Variants in GRIP2 observed in about 807,000 individuals in gnomAD.
GRIP2 encodes the protein glutamate receptor interacting protein 2, also known as glutamate receptor-interacting protein 2.
GRIP2 carries 58 observed loss-of-function variants against 108.3 expected under a neutral mutation model. That is an observed-to-expected ratio of 0.54 (90% CI 0.43 to 0.67). The LOEUF is 0.67. GRIP2 is among the 30% of genes least tolerant of loss of function. GRIP2 has a pLI of 0.00. For synonymous variants in GRIP2, 586 were observed against 598.2 expected (o/e 0.98, Z 0.30); for missense variants, 1,278 against 1,430.6 (o/e 0.89, Z 1.72).
intron 9 of GRIP2, 80 bp from the exon 10 acceptor site, chr3:14,517,977 C>A: frequency 7.0e-7 from 1 of 1,433,416 alleles, no homozygotes; most frequent in Non-Finnish European, 9.2e-7. Flanking sequence ...AAGCAAGAAC[C>A]AGAAGATCCT....
the GRIP2 span, among the ~76,000 whole-genome samples, chr3:14,567,946 A>G: frequency 1.3e-5 from 2 of 152,214 alleles, no homozygotes; most frequent in African/African-American, 4.8e-5. Flanking sequence ...AGGGGACCCA[A>G]CCATGCCCAA....
intron 20 of GRIP2, among the ~76,000 whole-genome samples, chr3:14,504,139 C>G (rs950321932): frequency 1.3e-5 from 2 of 152,006 alleles, no homozygotes; most frequent in African/African-American, 4.8e-5. Flanking sequence ...GGGAAGGGGT[C>G]GAGACCACCC....
the GRIP2 span, among the ~76,000 whole-genome samples, chr3:14,589,937 C>T: frequency 6.6e-6 from 1 of 151,934 alleles, no homozygotes; most frequent in Non-Finnish European, 1.5e-5. Context: ...GGACTACAGG[C>T]ATGAACCATC....
chr3:14,566,316 T>C, the GRIP2 span, among the ~76,000 whole-genome samples: 1 of 152,108 alleles, frequency 6.6e-6, no homozygotes, highest in South Asian at 2.1e-4. Flanking sequence ...CTCCCAGGGA[T>C]GGGAACACAG....
chr3:14,504,561 C>T (rs932838594), intron 20 of GRIP2, among the ~76,000 whole-genome samples: 2 of 152,170 alleles, frequency 1.3e-5, no homozygotes, highest in Admixed American at 1.3e-4. Context: ...CTGCCCACTT[C>T]AGCCTCCTGA....
the GRIP2 span, among the ~76,000 whole-genome samples, chr3:14,591,270 G>T: frequency 6.6e-6 from 1 of 152,070 alleles, no homozygotes; most frequent in Non-Finnish European, 1.5e-5. Flanking sequence ...CTGAGTGCCC[G>T]CCCCATCACT....
chr3:14,557,832 C>T (rs1000952056), upstream of GRIP2, among the ~76,000 whole-genome samples: 8 of 152,220 alleles, frequency 5.3e-5, no homozygotes, highest in Non-Finnish European at 1.0e-4. Flanking sequence ...ATGGGCAGAT[C>T]TGAGGTCAAA....
chr3:14,507,058 C>A lies in GRIP2; in HGVS notation c.2219-78G>T. 7.2e-7 allele frequency: 1 copy of A among 1,381,476 alleles called. No homozygotes were observed. The highest frequency in any genetic ancestry group is 1.4e-5 in the South Asian group (1 of 71,402). The allele number at this position is 1,381,476 out of a possible 1,614,324, so 85.6% of individuals were successfully genotyped here. ...CTCAGTTTCTGCATTTCAGCCTGGTCTGGAAACTCACAGGCAGTAAGCCCT... is the reference window on the plus strand; with the variant it reads ...CTCAGTTTCTGCATTTCAGCCTGGTATGGAAACTCACAGGCAGTAAGCCCT... On this transcript the variant is annotated intron_variant, in intron 18 of 23. Coordinates refer to ENST00000621039, the MANE Select transcript of GRIP2 (RefSeq NM_001080423.4). The surrounding 1 kb of genome is among the most constrained non-coding windows in gnomAD (Gnocchi z 4.6).
At position 14,506,851 on chromosome 3, in the gene GRIP2, G is replaced by A. The variant is rs779225542; in HGVS notation, c.2348C>T (p.Ala783Val). The A allele has an allele frequency of 5.0e-6, 8 of 1,607,500 alleles. No homozygotes were observed. Among genetic ancestry groups the A allele is most frequent in the Non-Finnish European group, 6.8e-6 (8 of 1,177,106 alleles). ...FSPAVPSVDS[A>V]VESWDSSATE... ...GGCCGAGCTGTCCCAAGACTCCACA[G>A]CACTGTCCACACTGGGCACAGCCGG... is the stretch of plus-strand genomic sequence containing the variant. Residue 783 changes from alanine (A) to valine (V), a missense_variant, in exon 19 of 24, where the codon GCT (alanine) becomes GTT (valine). Physicochemically the swap from Ala to Val is moderately conservative, Grantham distance 64. Coordinates refer to ENST00000621039, the MANE Select transcript of GRIP2 (RefSeq NM_001080423.4).
Position 14,511,508 on chromosome 3 carries a change from C to G in GRIP2, c.1721-29G>C, listed in dbSNP as rs1277931467. The G allele has an allele frequency of 1.2e-6, 2 of 1,609,876 alleles. No homozygotes were observed. The highest frequency in any genetic ancestry group is 1.7e-6 in the Non-Finnish European group (2 of 1,178,238). On this transcript the variant is annotated intron_variant, in intron 14 of 23. Coordinates refer to ENST00000621039, the MANE Select transcript of GRIP2 (RefSeq NM_001080423.4). This position sits in a 1 kb window ranked among gnomAD's most constrained non-coding sequence, Gnocchi z 4.1. ...GAGAAAAAGAGGCCATGAATCTGACCTTGGTGGCCTCAGCCTGGGGTGGGG... is the reference window on the plus strand; with the variant it reads ...GAGAAAAAGAGGCCATGAATCTGACGTTGGTGGCCTCAGCCTGGGGTGGGG...
rs1253853439 is a variant in GRIP2 at position 14,507,618 on chromosome 3, G to A, written c.2161C>T (p.His721Tyr). 2 of 1,614,022 alleles carry A rather than the reference G, an allele frequency of 1.2e-6. No individual in the cohort carries two copies. Among genetic ancestry groups the A allele is most frequent in the East Asian group, 2.2e-5 (1 of 44,888 alleles). The change falls in exon 18 of 24, where the codon CAC (histidine) becomes TAC (tyrosine). Residue 721 changes from histidine to tyrosine, a missense_variant. By Grantham distance (83) the His-to-Tyr change is moderately conservative. Transcript: ENST00000621039. This position sits in a 1 kb window ranked among gnomAD's most constrained non-coding sequence, Gnocchi z 4.6. ...GTCTCTCCAGCCACCTGCAGGAGGT[G>A]GATGGCCTCGCTCAGCGGCCGGCCC... ...LKGRPLSEAI[H>Y]LLQVAGETVT...
At chr3:14,598,576 T>A in the GRIP2 span, among the ~76,000 whole-genome samples, 1 of 151,830 alleles carries the variant, frequency 6.6e-6, no homozygotes, top group Non-Finnish European at 1.5e-5. Context: ...CCTACTACCA[T>A]CTCTATCACC....
In GRIP2 at chr3:14,493,658, G is replaced by A. The variant is rs781148651; in HGVS notation, c.*7C>T. The A allele has an allele frequency of 1.4e-5, 23 of 1,591,934 alleles. No individual in the cohort carries two copies. Among genetic ancestry groups the A allele is most frequent in the Non-Finnish European group, 1.9e-5 (22 of 1,169,034 alleles). ...GGCCCCTTAGGAGTTCGGCCCACAT[G>A]CTGACTTCAGAGCATCCGGGGACTG... On this transcript the variant is annotated 3_prime_UTR_variant, in exon 24 of 24. Coordinates refer to ENST00000621039, the MANE Select transcript of GRIP2 (RefSeq NM_001080423.4).
intron 1 of GRIP2, among the ~76,000 whole-genome samples, chr3:14,536,264 T>C (rs1217345149): frequency 1.3e-5 from 2 of 152,122 alleles, no homozygotes; most frequent in African/African-American, 4.8e-5. Context: ...CTAAGAACCA[T>C]GGAGGGAGGC....
chr3:14,521,855 G>A lies in GRIP2; in HGVS notation c.567-68C>T, dbSNP rs79691981. ...CTGGGCACAGCCTGTCTGGGAGGGC[G>A]CTGGGAAGCGGGACATGGAGGATGA... On this transcript the variant is annotated intron_variant, in intron 6 of 23. Coordinates refer to ENST00000621039, the MANE Select transcript of GRIP2 (RefSeq NM_001080423.4). This position sits in a 1 kb window ranked among gnomAD's most constrained non-coding sequence, Gnocchi z 5.1. The A allele has an allele frequency of 0.046, 65,640 of 1,423,710 alleles. 1,796 individuals carry two copies. Among genetic ancestry groups the A allele is most frequent in the Non-Finnish European group, 0.053 (56,941 of 1,073,774 alleles). The allele number at this position is 1,423,710 out of a possible 1,614,324, so 88.2% of individuals were successfully genotyped here.
intron 1 of GRIP2, among the ~76,000 whole-genome samples, chr3:14,531,721 G>A (rs1202956465): frequency 1.3e-5 from 2 of 152,208 alleles, no homozygotes; most frequent in Admixed American, 6.5e-5. Flanking sequence ...CGAAAGCAGC[G>A]TCTACCAAGA....
chr3:14,532,014 C>T (rs1694721501), intron 1 of GRIP2, among the ~76,000 whole-genome samples: 2 of 152,184 alleles, frequency 1.3e-5, no homozygotes, highest in African/African-American at 4.8e-5. Context: ...TCTCCTACCA[C>T]CCCAACCTCT....
intron 5 of GRIP2, 169 bp downstream of exon 5, chr3:14,523,443 C>T (rs1385319411): frequency 1.1e-5 from 7 of 611,032 alleles, no homozygotes; most frequent in East Asian, 1.1e-4. Context: ...AAGCCTACTT[C>T]ATTGCTTGGC....
chr3:14,562,736 C>G, the GRIP2 span, among the ~76,000 whole-genome samples: 1 of 32,450 alleles, frequency 3.1e-5, no homozygotes, highest in Non-Finnish European at 6.8e-5. Context: ...CTCGGACTCC[C>G]GAGGCAGACG....
Sources: gnomAD v4.1 joint callset for allele counts (sites outside exome capture counted in the v4.1 genomes callset) on GRCh38, gnomAD v4.1.1 for gene constraint, Gnocchi (gnomAD v3.1) non-coding constraint, MANE v1.5 for transcripts, NCBI Gene and HGNC (gene_info 2026-07-23, HGNC 2026-07-21) for gene names.